NEK7: variants seen among roughly 807,000 people sequenced by gnomAD.
The protein encoded by NEK7 is NIMA related kinase 7.
NEK7 carries 18 observed loss-of-function variants against 44.6 expected under a neutral mutation model. The observed-to-expected ratio is 0.40, with a 90% CI of 0.28 to 0.60. The LOEUF (loss-of-function observed/expected upper bound fraction) is 0.60. Ranked by LOEUF, NEK7 falls within the 20% of genes least tolerant of loss-of-function variation. The pLI, the probability that NEK7 is intolerant of heterozygous loss-of-function variation, is 0.38. For synonymous variants in NEK7, 130 were observed against 121.1 expected (o/e 1.07, Z -0.48); for missense variants, 256 against 366.5 (o/e 0.70, Z 2.46).
intron 9 of NEK7, among the ~76,000 whole-genome samples, chr1:198,308,072 G>C (rs1655067974): frequency 1.3e-5 from 2 of 151,906 alleles, no homozygotes; most frequent in African/African-American, 4.8e-5. Context: ...AGATTACAGT[G>C]CTTTAAAAAT....
chr1:198,267,663 C>T (rs1028412632), intron 5 of NEK7, among the ~76,000 whole-genome samples: 2 of 151,838 alleles, frequency 1.3e-5, no homozygotes, highest in African/African-American at 2.4e-5. Context: ...AGGGTGATCT[C>T]GAACTTTGAC....
At chr1:198,318,457 T>C (rs1328924302) in intron 9 of NEK7, among the ~76,000 whole-genome samples, 2 of 152,198 alleles carry the variant, frequency 1.3e-5, no homozygotes, top group African/African-American at 4.8e-5. Flanking sequence ...TTGAAAGTTA[T>C]TTTATGGTAG....
chr1:198,232,782 T>A, intron 2 of NEK7, 145 bp downstream of exon 2: 1 of 487,244 alleles, frequency 2.1e-6, no homozygotes, highest in Non-Finnish European at 3.7e-6. Context: ...TCAGCATTTT[T>A]TTTTTTTTTG....
At chr1:198,295,266 G>A (rs1654678899) in intron 8 of NEK7, among the ~76,000 whole-genome samples, 1 of 152,108 alleles carries the variant, frequency 6.6e-6, no homozygotes, top group African/African-American at 2.4e-5. Flanking sequence ...GTAGGTTGGT[G>A]GCTTACAGTT....
chr1:198,310,810 G>GT (rs752757257), intron 9 of NEK7, among the ~76,000 whole-genome samples: 10 of 151,848 alleles, frequency 6.6e-5, no homozygotes, highest in East Asian at 3.9e-4. Flanking sequence ...CTCTGTTTTG[G>GT]ACCACTACCA....
At chr1:198,199,153 A>C (rs1665339173) in intron 1 of NEK7, among the ~76,000 whole-genome samples, 2 of 152,234 alleles carry the variant, frequency 1.3e-5, no homozygotes, top group Admixed American at 1.3e-4. Flanking sequence ...TTATTGTATA[A>C]TGCTTTTGGG....
At chr1:198,295,036 A>G (rs1654670078) in intron 8 of NEK7, among the ~76,000 whole-genome samples, 3 of 151,870 alleles carry the variant, frequency 2.0e-5, no homozygotes, top group Admixed American at 6.6e-5. Flanking sequence ...GCCTTTTTTG[A>G]AAATGTATTT....
chr1:198,306,186 G>A (rs528674116), intron 9 of NEK7, among the ~76,000 whole-genome samples: 18 of 152,102 alleles, frequency 1.2e-4, no homozygotes, highest in Non-Finnish European at 2.1e-4. Context: ...TAAATATTAC[G>A]TATTAGCTTT....
At chr1:198,246,869 G>A (rs545653239) in intron 2 of NEK7, among the ~76,000 whole-genome samples, 19 of 152,210 alleles carry the variant, frequency 1.2e-4, no homozygotes, top group Non-Finnish European at 2.6e-4. Flanking sequence ...TGAAAGAATG[G>A]TCTCCGTGTA....
intron 5 of NEK7, among the ~76,000 whole-genome samples, chr1:198,265,776 C>A (rs925446511): frequency 1.3e-5 from 2 of 151,866 alleles, no homozygotes; most frequent in Non-Finnish European, 2.9e-5. Context: ...ATTTCCTGGG[C>A]AGGTAGGAAA....
At chr1:198,209,092 CACAT>C (rs1356596276) in intron 1 of NEK7, among the ~76,000 whole-genome samples, 4 of 138,750 alleles carry the variant, frequency 2.9e-5, no homozygotes, top group Non-Finnish European at 4.6e-5. Context: ...TATATATACA[CACAT>C]ATGTACACAC....
rs189372763 is a variant in NEK7, at chr1:198,213,859, A to G, written c.-28-18694A>G. 2.8e-4 allele frequency among the ~76,000 whole-genome samples: 42 copies of G among 152,270 alleles called. 1 individual carries two copies. In the South Asian group the frequency reaches 3.3e-3, roughly 12 times the overall value. ...GCTTTAGCTACAGGCAGTTTTACCC[A>G]TGGGCATGTCCTACTAGCCTGAAGC... is the stretch of plus-strand genomic sequence containing the variant. On this transcript the variant is annotated intron_variant, in intron 1 of 9. Transcript: ENST00000367385.
At chr1:198,291,437 A>G (rs1425359864) in intron 7 of NEK7, among the ~76,000 whole-genome samples, 1 of 152,208 alleles carries the variant, frequency 6.6e-6, no homozygotes, top group African/African-American at 2.4e-5. Context: ...TTTATTTTAC[A>G]CAGTAATAAT....
intron 1 of NEK7, among the ~76,000 whole-genome samples, chr1:198,157,970 A>C (rs769095545): frequency 1.3e-5 from 2 of 152,200 alleles, no homozygotes; most frequent in Non-Finnish European, 2.9e-5. Flanking sequence ...AAACAGAGAA[A>C]AGTGACAAGA....
intron 1 of NEK7, among the ~76,000 whole-genome samples, chr1:198,168,992 A>G (rs567409287): frequency 6.6e-6 from 1 of 152,352 alleles, no homozygotes; most frequent in South Asian, 2.1e-4. Flanking sequence ...TACTCATTTG[A>G]AAAGATTATT....
intron 1 of NEK7, among the ~76,000 whole-genome samples, chr1:198,220,357 G>A (rs1317025125): frequency 6.6e-6 from 1 of 151,892 alleles, no homozygotes; most frequent in Non-Finnish European, 1.5e-5. Context: ...TCTCCAAAAA[G>A]CCCTAATTCC....
chr1:198,203,808 C>A (rs1354419498), intron 1 of NEK7, among the ~76,000 whole-genome samples: 1 of 152,154 alleles, frequency 6.6e-6, no homozygotes, highest in African/African-American at 2.4e-5. Flanking sequence ...TGACCTGTGG[C>A]CTAGAAAGTG....
At chr1:198,277,881 G>A in intron 5 of NEK7, 80 bp from the exon 6 acceptor site, 1 of 746,384 alleles carries the variant, frequency 1.3e-6, no homozygotes, top group Non-Finnish European at 2.3e-6. Context: ...CTGTTTTTCT[G>A]ACTTACGGAT....
In NEK7 at chr1:198,232,635, C is replaced by G; in HGVS notation, c.55C>G (p.Gln19Glu). ...GCCACCTGTTCCTCAGTTCCAACCA[C>G]AGGTAATTTATCCTAATTAAGATGG... Reference protein sequence around the residue: ...QGPPVPQFQPQKALRPDMGYN... With the variant: ...QGPPVPQFQPEKALRPDMGYN... Residue 19 changes from glutamine (Q) to glutamate (E), a missense_variant and splice_region_variant, in exon 2 of 10, where the codon CAG (glutamine) becomes GAG (glutamate). This residue lies in a region of NEK7 where 96 missense variants were observed against 94.9 expected (regional missense o/e 1.01). Transcript: ENST00000367385. The G allele has an allele frequency of 3.8e-6, 6 of 1,577,870 alleles. No individual in the cohort carries two copies. The highest frequency in any genetic ancestry group is 5.2e-6 in the Non-Finnish European group (6 of 1,147,492).
Sources: allele counts gnomAD v4.1 joint callset (sites outside exome capture counted in the v4.1 genomes callset), GRCh38; gene constraint gnomAD v4.1.1; regional missense constraint gnomAD v4.1.1; transcripts MANE v1.5; gene names NCBI Gene and HGNC (gene_info 2026-07-23, HGNC 2026-07-21).